The following UBXN10 variants were observed in gnomAD, a reference collection of about 807,000 sequenced individuals.
UBXN10 encodes the protein UBX domain-containing protein 10.
UBXN10 carries 6 observed loss-of-function variants against 6.9 expected under a neutral mutation model. The observed-to-expected ratio is 0.87, with a 90% CI of 0.48 to 1.72. The LOEUF is 1.72. UBXN10 is among the 40% of genes most tolerant of loss of function. The pLI, the probability that UBXN10 is intolerant of heterozygous loss-of-function variation, is 0.01. For synonymous variants in UBXN10, 131 were observed against 135.2 expected (o/e 0.97, Z 0.21); for missense variants, 317 against 348.4 (o/e 0.91, Z 0.72).
Position 20,190,992 on chromosome 1 carries a change from G to A in UBXN10, c.431G>A (p.Ser144Asn), listed in dbSNP as rs769098106. The A allele has an allele frequency of 6.2e-7, 1 of 1,614,174 alleles. No individual in the cohort carries two copies. The highest frequency in any genetic ancestry group is 8.5e-7 in the Non-Finnish European group (1 of 1,180,046). The stretch of plus-strand genomic sequence containing the variant: ...AAGGCCAGCTCACTGCAACTGAGCA[G>A]TATCCGGGCTCTTTACCAAGACGAG... ...AKKASSLQLS[S>N]IRALYQDETG... is the part of the protein sequence containing the mutation. The change falls in exon 2 of 2, where the codon AGT (serine) becomes AAT (asparagine). Residue 144 changes from serine to asparagine, a missense_variant. Coordinates refer to ENST00000375099, the MANE Select transcript of UBXN10 (RefSeq NM_152376.5).
chr1:20,191,209 G>T lies in UBXN10; in HGVS notation c.648G>T (p.Arg216=). The part of the protein sequence containing the change: ...PTGQRFVRHF[R]PTDDLQTIVA... ...GCCAAAGGTTTGTACGCCATTTCCGGCCAACAGATGATTTGCAAACCATTG... is the reference window on the plus strand; with the variant it reads ...GCCAAAGGTTTGTACGCCATTTCCGTCCAACAGATGATTTGCAAACCATTG... Residue 216 remains arginine (R), a synonymous_variant, in exon 2 of 2, where the codon CGG becomes CGT. Transcript: ENST00000375099. This position sits in a 1 kb window ranked among gnomAD's most constrained non-coding sequence, Gnocchi z 4.5. 1 of 1,614,172 alleles carries T rather than the reference G, an allele frequency of 6.2e-7. No homozygotes were observed. The highest frequency in any genetic ancestry group is 1.7e-5 in the Admixed American group (1 of 60,020).
chr1:20,188,582 G>A (rs1366944569), intron 1 of UBXN10, among the ~76,000 whole-genome samples: 2 of 152,222 alleles, frequency 1.3e-5, no homozygotes, highest in Non-Finnish European at 2.9e-5. Flanking sequence ...GAGTGAATTT[G>A]CAGGAAGTGC....
chr1:20,185,777 T>C (rs548372274), upstream of UBXN10, among the ~76,000 whole-genome samples: 44 of 152,128 alleles, frequency 2.9e-4, no homozygotes, highest in African/African-American at 1.1e-3. Flanking sequence ...GAGAAACGGA[T>C]TTTGAGACTA....
rs2018501949 is a variant in UBXN10, at chr1:20,191,496, T to C, written c.*92T>C. 2.0e-6 allele frequency: 3 copies of C among 1,523,412 alleles called. No individual in the cohort carries two copies. Among genetic ancestry groups the C allele is most frequent in the Non-Finnish European group, 2.6e-6 (3 of 1,136,942 alleles). The allele number at this position is 1,523,412 out of a possible 1,614,324, so 94.4% of individuals were successfully genotyped here. ...CTTAGGCAGCCTGTTTCAAGTGCCA[T>C]GTGGACCTGGTGCAGCTGGGAAGCT... is the stretch of plus-strand genomic sequence containing the variant. On this transcript the variant is annotated 3_prime_UTR_variant, in exon 2 of 2. Coordinates refer to ENST00000375099, the MANE Select transcript of UBXN10 (RefSeq NM_152376.5). The surrounding 1 kb of genome is among the most constrained non-coding windows in gnomAD (Gnocchi z 4.5).
intron 1 of UBXN10, among the ~76,000 whole-genome samples, chr1:20,189,139 C>G (rs2018448820): frequency 6.6e-6 from 1 of 152,134 alleles, no homozygotes; most frequent in Admixed American, 6.5e-5. Flanking sequence ...GGCAGAGAAG[C>G]TGAAATTGAA....
upstream of UBXN10, among the ~76,000 whole-genome samples, chr1:20,185,325 C>T (rs2018350983): frequency 6.6e-6 from 1 of 152,074 alleles, no homozygotes; most frequent in Non-Finnish European, 1.5e-5. Flanking sequence ...CAGGTTTCAT[C>T]AGATGGAAGG....
chr1:20,186,903 G>C lies in UBXN10; in HGVS notation c.-16+750G>C, dbSNP rs377320099. Among the ~76,000 whole-genome samples, 93 of 152,188 alleles carry C rather than the reference G, an allele frequency of 6.1e-4. 1 individual carries two copies. Among genetic ancestry groups the C allele is most frequent in the East Asian group, 5.8e-3 (30 of 5,174 alleles). ...AAAGCCTGGTGGGGGTGTGGGTTGG[G>C]GGGGGCGGGATGGCAACGGATAGGA... On this transcript the variant is annotated intron_variant, in intron 1 of 1. Transcript: ENST00000375099.
chr1:20,193,577 A>C lies in UBXN10; in HGVS notation c.*2173A>C, dbSNP rs1197901409. ...CTTCAGCTCCCACACACGACTGGAC[A>C]GAGGGGTGTGTTAGCCTGATCTTCA... is the stretch of plus-strand genomic sequence containing the variant. On this transcript the variant is annotated 3_prime_UTR_variant, in exon 2 of 2. Transcript: ENST00000375099. 6.0e-6 allele frequency: 1 copy of C among 167,044 alleles called. No individual in the cohort carries two copies. The highest frequency in any genetic ancestry group is 1.5e-5 in the Non-Finnish European group (1 of 68,128). 10.3% of individuals were successfully genotyped at this position (167,044 alleles called of 1,614,324 possible). A position where few individuals can be genotyped will look rare whatever the true frequency, so the allele number is the denominator to read the frequency against.
At position 20,191,118 on chromosome 1, in the gene UBXN10, C is replaced by G; in HGVS notation, c.557C>G (p.Ala186Gly). The G allele has an allele frequency of 6.2e-7, 1 of 1,614,148 alleles. No homozygotes were observed. Residue 186 changes from alanine to glycine, a missense_variant, in exon 2 of 2, where the codon GCT becomes GGT. Physicochemically the swap from Ala to Gly is moderately conservative, Grantham distance 60. Transcript: ENST00000375099. This position sits in a 1 kb window ranked among gnomAD's most constrained non-coding sequence, Gnocchi z 4.5. ...ACCAAGAAACAGGGCTCTTCCAGGG[C>G]TGGAAATCTGGAGGAACCATCGGAC... The part of the protein sequence containing the change: ...VRTKKQGSSR[A>G]GNLEEPSDQE...
At position 20,190,821 on chromosome 1, in the gene UBXN10, C is replaced by A. The variant is rs140050242; in HGVS notation, c.260C>A (p.Ser87Tyr). 35 of 1,613,894 alleles carry A rather than the reference C, an allele frequency of 2.2e-5. No homozygotes were observed. Among genetic ancestry groups the A allele is most frequent in the Non-Finnish European group, 2.7e-5 (32 of 1,180,052 alleles). ...SQKPGACAPKSPNQGASDEIP... is the reference protein window; with the variant it reads ...SQKPGACAPKYPNQGASDEIP... ...AAACCAGGAGCCTGTGCACCCAAATCTCCAAACCAGGGAGCTTCTGATGAG... is the reference window on the plus strand; with the variant it reads ...AAACCAGGAGCCTGTGCACCCAAATATCCAAACCAGGGAGCTTCTGATGAG... Residue 87 changes from serine (S) to tyrosine (Y), a missense_variant, in exon 2 of 2, where the codon TCT (serine) becomes TAT (tyrosine). By Grantham distance (144) the Ser-to-Tyr change is moderately radical (BLOSUM62 -2). Transcript: ENST00000375099.
In UBXN10 at chr1:20,190,753, A is replaced by C; in HGVS notation, c.192A>C (p.Pro64=). Residue 64 remains proline, a synonymous_variant, in exon 2 of 2, where the codon CCA becomes CCC. Transcript: ENST00000375099. Reference sequence around the variant, plus strand: ...TGGAGGTGTGCGCTCATCATATACCATCTCCGCCTCCAGCCATTCCCTATG... The same window carrying C: ...TGGAGGTGTGCGCTCATCATATACCCTCTCCGCCTCCAGCCATTCCCTATG... ...QGVEVCAHHI[P]SPPPAIPYEL... The C allele has an allele frequency of 6.2e-7, 1 of 1,613,936 alleles. No individual in the cohort carries two copies. The highest frequency in any genetic ancestry group is 8.5e-7 in the Non-Finnish European group (1 of 1,180,028).
rs761026212 is a variant in UBXN10, at chr1:20,191,340, A to T, written c.779A>T (p.Glu260Val). The stretch of plus-strand genomic sequence containing the variant: ...TCTGACCTCACCAAATCTCTGCAAG[A>T]GTGCAGAATCCCCCACAAGTCTGTG... ...RFSDLTKSLQ[E>V]CRIPHKSVLG... is the part of the protein sequence containing the mutation. The change falls in exon 2 of 2, where the codon GAG (glutamate) becomes GTG (valine). Residue 260 changes from glutamate to valine, a missense_variant. Glu to Val is a moderately radical substitution (Grantham distance 121). Coordinates refer to ENST00000375099, the MANE Select transcript of UBXN10 (RefSeq NM_152376.5). This position sits in a 1 kb window ranked among gnomAD's most constrained non-coding sequence, Gnocchi z 4.5. 3.1e-6 allele frequency: 5 copies of T among 1,614,222 alleles called. No homozygotes were observed. In the South Asian group the frequency reaches 5.5e-5, roughly 18 times the overall value.
In UBXN10 at chr1:20,195,635, G is replaced by A. The variant is rs2018586317; in HGVS notation, c.*4231G>A. The A allele has an allele frequency of 6.0e-6, 1 of 167,114 alleles. No homozygotes were observed. The highest frequency in any genetic ancestry group is 1.5e-5 in the Non-Finnish European group (1 of 68,120). 10.4% of individuals were successfully genotyped at this position (167,114 alleles called of 1,614,324 possible). ...AACAAACAAGCAAACAACCACCACGGCAGCAAAGCACATGGCAGGCAGGGG... is the reference window on the plus strand; with the variant it reads ...AACAAACAAGCAAACAACCACCACGACAGCAAAGCACATGGCAGGCAGGGG... On this transcript the variant is annotated 3_prime_UTR_variant, in exon 2 of 2. Coordinates refer to ENST00000375099, the MANE Select transcript of UBXN10 (RefSeq NM_152376.5).
rs752925849 is a variant in UBXN10 at position 20,190,793 on chromosome 1, CA to C, written c.237del (p.Lys79AsnfsTer64). 39 of 1,613,978 alleles carry C rather than the reference CA, an allele frequency of 2.4e-5. No homozygotes were observed. The highest frequency in any genetic ancestry group is 2.3e-4 in the South Asian group (21 of 91,078). On this transcript the variant is annotated frameshift_variant, in exon 2 of 2. Coordinates refer to ENST00000375099, the MANE Select transcript of UBXN10 (RefSeq NM_152376.5). LOFTEE classifies it low-confidence loss of function (END_TRUNC). ...CATTCCCTATGAGTTGCCAAGCAGC[CA>C]AAAACCAGGAGCCTGTGCACCCAAA... ...PAIPYELPSS[Q>X]KPGACAPKSP... is the part of the protein sequence containing the mutation.
In UBXN10 at chr1:20,195,448, G is replaced by A. The variant is rs2018583381; in HGVS notation, c.*4044G>A. ...AGGTGACCAGAGAGAGGTGATGGTG[G>A]TTCGGGCCAGGGTGGTAGCCAGAGA... On this transcript the variant is annotated 3_prime_UTR_variant, in exon 2 of 2. Coordinates refer to ENST00000375099, the MANE Select transcript of UBXN10 (RefSeq NM_152376.5). 1 of 167,268 alleles carries A rather than the reference G, an allele frequency of 6.0e-6. No homozygotes were observed. The highest frequency in any genetic ancestry group is 2.4e-5 in the African/African-American group (1 of 41,460). The allele number at this position is 167,268 out of a possible 1,614,324, so 10.4% of individuals were successfully genotyped here. A position where few individuals can be genotyped will look rare whatever the true frequency, so the allele number is the denominator to read the frequency against.
In UBXN10 at chr1:20,191,224, G is replaced by A. The variant is rs182851875; in HGVS notation, c.663G>A (p.Leu221=). ...GCCATTTCCGGCCAACAGATGATTT[G>A]CAAACCATTGTTGCTGTGGCCGAAC... ...FVRHFRPTDD[L]QTIVAVAEQK... Residue 221 remains leucine (L), a synonymous_variant, in exon 2 of 2, where the codon TTG becomes TTA. Coordinates refer to ENST00000375099, the MANE Select transcript of UBXN10 (RefSeq NM_152376.5). The surrounding 1 kb of genome is among the most constrained non-coding windows in gnomAD (Gnocchi z 4.5). 6.8e-6 allele frequency: 11 copies of A among 1,614,208 alleles called. No individual in the cohort carries two copies. The East Asian group carries it at 2.5e-4, about 36-fold the overall frequency.
Position 20,190,569 on chromosome 1 carries a change from C to T in UBXN10, c.8C>T (p.Thr3Ile). The change falls in exon 2 of 2, where the codon ACA becomes ATA. Residue 3 changes from threonine to isoleucine, a missense_variant. Physicochemically the swap from Thr to Ile is moderately conservative, Grantham distance 89. Transcript: ENST00000375099. Reference protein sequence around the residue: MATEAPVNIAPPE... With the variant: MAIEAPVNIAPPE... ...TAGGGGTCTTGAGAAGCAATGGCCA[C>T]AGAAGCCCCTGTGAATATAGCACCA... The T allele has an allele frequency of 6.2e-7, 1 of 1,611,038 alleles. No individual in the cohort carries two copies.
In UBXN10 at chr1:20,194,162, C is replaced by T. The variant is rs1349609071; in HGVS notation, c.*2758C>T. On this transcript the variant is annotated 3_prime_UTR_variant, in exon 2 of 2. Coordinates refer to ENST00000375099, the MANE Select transcript of UBXN10 (RefSeq NM_152376.5). ...TGTTACTGCTGGCTCTTCATCCCACCCTCTGGAGATGCTAAGGAAGCTCTT... is the reference window on the plus strand; with the variant it reads ...TGTTACTGCTGGCTCTTCATCCCACTCTCTGGAGATGCTAAGGAAGCTCTT... The T allele has an allele frequency of 6.0e-6, 1 of 167,134 alleles. No homozygotes were observed. Among genetic ancestry groups the T allele is most frequent in the Non-Finnish European group, 1.5e-5 (1 of 68,156 alleles). 10.4% of individuals were successfully genotyped at this position (167,134 alleles called of 1,614,324 possible). A position where few individuals can be genotyped will look rare whatever the true frequency, so the allele number is the denominator to read the frequency against.
chr1:20,185,247 G>A (rs1220008650), upstream of UBXN10, among the ~76,000 whole-genome samples: 1 of 152,308 alleles, frequency 6.6e-6, no homozygotes, highest in East Asian at 1.9e-4. Context: ...TCGTGTTTCT[G>A]TTACACCAAG....
Sources: allele counts gnomAD v4.1 joint callset (sites outside exome capture counted in the v4.1 genomes callset), GRCh38; gene constraint gnomAD v4.1.1; non-coding constraint Gnocchi (gnomAD v3.1); transcripts MANE v1.5; gene names NCBI Gene and HGNC (gene_info 2026-07-23, HGNC 2026-07-21).